FAT3: variants seen among roughly 807,000 people sequenced by gnomAD.
FAT3 encodes FAT atypical cadherin 3.
Under a neutral mutation model 310.2 loss-of-function variants are expected in FAT3, and 95 were observed. That is an observed-to-expected ratio of 0.31 (90% CI 0.26 to 0.36). The LOEUF (loss-of-function observed/expected upper bound fraction) is 0.36, where lower values mean the gene tolerates loss of function less well. Ranked by LOEUF, FAT3 falls within the 10% of genes least tolerant of loss-of-function variation. The pLI is 1.00. For missense variants in FAT3, 5,408 were observed against 5,715.6 expected, an observed-to-expected ratio of 0.95 and a Z score of 1.74; for synonymous variants, 2,314 against 2,192.9, an observed-to-expected ratio of 1.06 and a Z score of -1.54.
At chr11:92,475,127 C>A (rs749118221) in intron 2 of FAT3, among the ~76,000 whole-genome samples, 64 of 152,032 alleles carry the variant, frequency 4.2e-4, no homozygotes, top group Non-Finnish European at 8.5e-4. Context: ...CCTCTTTTTC[C>A]GTCTTTTTCA....
intron 1 of FAT3, among the ~76,000 whole-genome samples, chr11:92,318,336 T>G (rs1030270405): frequency 2.6e-5 from 4 of 152,182 alleles, no homozygotes; most frequent in African/African-American, 9.6e-5. Flanking sequence ...ATTTCTTTTT[T>G]CACGTAGTCA....
chr11:92,680,679 C>T (rs1943456968), intron 3 of FAT3, among the ~76,000 whole-genome samples: 1 of 152,154 alleles, frequency 6.6e-6, no homozygotes, highest in African/African-American at 2.4e-5. Context: ...GGGCAAGGAC[C>T]ACATTGAGTA....
chr11:92,801,372 A>G lies in FAT3; in HGVS notation c.8359A>G (p.Ile2787Val), dbSNP rs775330451. 1.2e-6 allele frequency: 2 copies of G among 1,613,976 alleles called. No homozygotes were observed. Among genetic ancestry groups the G allele is most frequent in the South Asian group, 1.1e-5 (1 of 91,070 alleles). The change falls in exon 10 of 28, where the codon ATA becomes GTA. Residue 2787 changes from isoleucine to valine, a missense_variant. Physicochemically the swap from Ile to Val is conservative, Grantham distance 29. This residue lies in a region of FAT3 where 4,588 missense variants were observed against 4,809.8 expected (regional missense o/e 0.95). Transcript: ENST00000525166. ...TTTCCACTTTAAAGTAGCAGCCACT[A>G]TACCCCTGGACAAAGTAGACATTGT... is the stretch of plus-strand genomic sequence containing the variant. ...PAFHFKVAAT[I>V]PLDKVDIVFT...
chr11:92,463,214 A>C (rs662241), intron 2 of FAT3, among the ~76,000 whole-genome samples: 150,310 of 152,310 alleles, frequency 0.99, 74,205 homozygotes, highest in East Asian at 1. Context: ...AATTTATATC[A>C]TGTTCCTTGA....
intron 7 of FAT3, among the ~76,000 whole-genome samples, chr11:92,779,694 A>G (rs569248843): frequency 2.6e-5 from 4 of 152,324 alleles, no homozygotes; most frequent in Non-Finnish European, 5.9e-5. Flanking sequence ...TGAATATGTT[A>G]TGTTACATGG....
Position 92,800,528 on chromosome 11 carries a change from G to T in FAT3, c.7515G>T (p.Val2505=). The change falls in exon 10 of 28, where the codon GTG becomes GTT. Residue 2505 remains valine, a synonymous_variant. Coordinates refer to ENST00000525166, the MANE Select transcript of FAT3 (RefSeq NM_001367949.2). ...AFSQSTYVAE[V]RENVAAGTKV... is the part of the protein sequence containing the mutation. The stretch of plus-strand genomic sequence containing the variant: ...CACAAAGCACATACGTAGCTGAGGT[G>T]AGAGAGAACGTGGCTGCAGGAACAA... 3 of 1,613,944 alleles carry T rather than the reference G, an allele frequency of 1.9e-6. No individual in the cohort carries two copies. The highest frequency in any genetic ancestry group is 1.1e-5 in the South Asian group (1 of 91,078).
At chr11:92,581,623 A>G (rs1473720417) in intron 3 of FAT3, among the ~76,000 whole-genome samples, 1 of 151,998 alleles carries the variant, frequency 6.6e-6, no homozygotes, top group African/African-American at 2.4e-5. Flanking sequence ...TGGGTGTATC[A>G]TCTTACCAGT....
chr11:92,882,924 CG>C lies in FAT3; in HGVS notation c.12470del (p.Gly4157AlafsTer17). ...HSYVGKEELIGIAVVLFVIFI... is the reference protein window; with the variant it reads ...HSYVGKEELIXIAVVLFVIFI... ...CCTACGTGGGGAAGGAGGAGCTCAT[CG>C]GCATCGCCGTGGTCCTCTTCGTCAT... On this transcript the variant is annotated frameshift_variant, in exon 24 of 28. Coordinates refer to ENST00000525166, the MANE Select transcript of FAT3 (RefSeq NM_001367949.2). LOFTEE classifies it high-confidence loss of function. The C allele has an allele frequency of 6.2e-7, 1 of 1,612,950 alleles. No individual in the cohort carries two copies. Among genetic ancestry groups the C allele is most frequent in the Non-Finnish European group, 8.5e-7 (1 of 1,179,494 alleles).
In FAT3 at chr11:92,876,085, A is replaced by C. The variant is rs138382674; in HGVS notation, c.12128-4646A>C. Among the ~76,000 whole-genome samples the C allele has an allele frequency of 5.5e-4, 83 of 152,162 alleles. No homozygotes were observed. The East Asian group carries it at 0.015, about 28-fold the overall frequency. ...AGGTGCTTCTGATGTAGTTTTATTT[A>C]AGAAACTGTCAGAGGCTTGCCAAAG... On this transcript the variant is annotated intron_variant, in intron 22 of 27. Coordinates refer to ENST00000525166, the MANE Select transcript of FAT3 (RefSeq NM_001367949.2).
chr11:92,774,133 A>G lies in FAT3; in HGVS notation c.4288A>G (p.Asn1430Asp), dbSNP rs767395600. 1.2e-6 allele frequency: 2 copies of G among 1,613,554 alleles called. No homozygotes were observed. The highest frequency in any genetic ancestry group is 1.7e-5 in the Admixed American group (1 of 59,938). Reference protein sequence around the residue: ...PLDAEQRSIYNMSVEVTDGTN... With the variant: ...PLDAEQRSIYDMSVEVTDGTN... ...GGATGCAGAGCAGAGGTCCATCTATAATATGAGTGTGGAAGTCACCGATGG... is the reference window on the plus strand; with the variant it reads ...GGATGCAGAGCAGAGGTCCATCTATGATATGAGTGTGGAAGTCACCGATGG... The change falls in exon 7 of 28, where the codon AAT (asparagine) becomes GAT (aspartate). Residue 1430 changes from asparagine (N) to aspartate (D), a missense_variant. By Grantham distance (23) the Asn-to-Asp change is conservative (BLOSUM62 1). Around this residue, in one of 5 missense-constraint regions of FAT3, gnomAD observed 4,588 missense variants for 4,809.8 expected, o/e 0.95. Coordinates refer to ENST00000525166, the MANE Select transcript of FAT3 (RefSeq NM_001367949.2).
chr11:92,329,161 T>G (rs1324374688), intron 1 of FAT3, among the ~76,000 whole-genome samples: 1 of 151,960 alleles, frequency 6.6e-6, no homozygotes, highest in Non-Finnish European at 1.5e-5. Context: ...TGCTAGGTAT[T>G]ACATGTGGGG....
In FAT3 at chr11:92,837,789, T is replaced by G; in HGVS notation, c.10351T>G (p.Tyr3451Asp). Residue 3451 changes from tyrosine to aspartate, a missense_variant, in exon 17 of 28, where the codon TAT becomes GAT. Tyr to Asp is a radical substitution (Grantham distance 160). This residue lies in a region of FAT3 where 4,588 missense variants were observed against 4,809.8 expected (regional missense o/e 0.95). Transcript: ENST00000525166. The part of the protein sequence containing the change: ...DNSPVFTPAN[Y>D]TAVIQENKPV... The stretch of plus-strand genomic sequence containing the variant: ...CAGCCCGGTGTTTACACCTGCCAAC[T>G]ATACTGCTGTGATTCAGGTGAGAAA... 6.2e-7 allele frequency: 1 copy of G among 1,614,032 alleles called. No individual in the cohort carries two copies.
chr11:92,744,758 T>G (rs180868759), intron 4 of FAT3, among the ~76,000 whole-genome samples: 3 of 152,220 alleles, frequency 2.0e-5, no homozygotes, highest in Admixed American at 1.3e-4. Flanking sequence ...TGGCAGAAAT[T>G]TTTACAATAC....
chr11:92,811,530 G>A (rs1317235664), intron 13 of FAT3, among the ~76,000 whole-genome samples: 1 of 152,104 alleles, frequency 6.6e-6, no homozygotes, highest in Non-Finnish European at 1.5e-5. Context: ...GAGCTGTTTT[G>A]CAAGTTGTGA....
rs1943870768 is a variant in FAT3 at position 92,694,075 on chromosome 11, A to G, written c.3608-3309A>G. Among the ~76,000 whole-genome samples, 3 of 152,228 alleles carry G rather than the reference A, an allele frequency of 2.0e-5. No homozygotes were observed. The South Asian group carries it at 6.2e-4, about 32-fold the overall frequency. On this transcript the variant is annotated intron_variant, in intron 3 of 27. Coordinates refer to ENST00000525166, the MANE Select transcript of FAT3 (RefSeq NM_001367949.2). ...TATTAGCATATAATTTACATGCAAT[A>G]AACTTCACCTATTCAAAGGATACAA...
chr11:92,664,168 A>T (rs763083386), intron 3 of FAT3, among the ~76,000 whole-genome samples: 7 of 152,162 alleles, frequency 4.6e-5, no homozygotes, highest in Non-Finnish European at 8.8e-5. Context: ...ACCCTCAGAA[A>T]TCCAACTGGA....
intron 1 of FAT3, among the ~76,000 whole-genome samples, chr11:92,235,219 G>T (rs951363094): frequency 2.0e-5 from 3 of 152,138 alleles, no homozygotes; most frequent in Non-Finnish European, 2.9e-5. Context: ...AGGGCCTCTT[G>T]TCTTCTGCAG....
In FAT3 at chr11:92,355,086, A is replaced by T. The variant is rs1948694229; in HGVS notation, c.2974A>T (p.Ile992Phe). 1 of 1,613,644 alleles carries T rather than the reference A, an allele frequency of 6.2e-7. No homozygotes were observed. The highest frequency in any genetic ancestry group is 8.5e-7 in the Non-Finnish European group (1 of 1,179,858). Residue 992 changes from isoleucine (I) to phenylalanine (F), a missense_variant, in exon 2 of 28, where the codon ATC becomes TTC. By Grantham distance (21) the Ile-to-Phe change is conservative (BLOSUM62 0). This residue lies in a region of FAT3 where 4,588 missense variants were observed against 4,809.8 expected (regional missense o/e 0.95). Transcript: ENST00000525166. Reference protein sequence around the residue: ...RFEIDKASGAIRLSKELDYEK... With the variant: ...RFEIDKASGAFRLSKELDYEK... ...TGAAATAGATAAAGCAAGTGGTGCC[A>T]TCCGCTTGAGCAAAGAGCTTGATTA...
Position 92,867,184 on chromosome 11 carries a change from C to G in FAT3, c.12102C>G (p.Gly4034=), listed in dbSNP as rs1949271276. ...AGCGCAGCCCGTGCCAGCACGGGGG[C>G]AGCTGCACTGGCCTGCCATCGGGGG... ...ACKRSPCQHG[G]SCTGLPSGGY... is the part of the protein sequence containing the mutation. The change falls in exon 22 of 28, where the codon GGC becomes GGG. Residue 4034 remains glycine (G), a synonymous_variant. Transcript: ENST00000525166. 1 of 1,585,676 alleles carries G rather than the reference C, an allele frequency of 6.3e-7. No homozygotes were observed.
Sources: allele counts gnomAD v4.1 joint callset (sites outside exome capture counted in the v4.1 genomes callset), GRCh38; gene constraint gnomAD v4.1.1; regional missense constraint gnomAD v4.1.1; transcripts MANE v1.5; gene names NCBI Gene and HGNC (gene_info 2026-07-23, HGNC 2026-07-21).